NPEPPS: variants seen among roughly 807,000 people sequenced by gnomAD.
NPEPPS encodes aminopeptidase puromycin sensitive.
A neutral mutation model predicts 115.5 loss-of-function variants in NPEPPS; 14 were observed. The ratio of observed to expected loss-of-function variants is 0.12; its 90% CI spans 0.08 to 0.19. The LOEUF (loss-of-function observed/expected upper bound fraction) is 0.19. Ranked by LOEUF, NPEPPS falls within the 10% of genes least tolerant of loss-of-function variation. The pLI is 1.00. For synonymous variants in NPEPPS, 285 were observed against 390.6 expected, an observed-to-expected ratio of 0.73 and a Z score of 3.19; for missense variants, 523 against 1,110.8, an observed-to-expected ratio of 0.47 and a Z score of 7.52.
At chr17:47,562,342 G>C (rs1357324729) in intron 2 of NPEPPS, among the ~76,000 whole-genome samples, 1 of 152,186 alleles carries the variant, frequency 6.6e-6, no homozygotes, top group Non-Finnish European at 1.5e-5. Flanking sequence ...CAGGTAGATA[G>C]CATGATAATT....
Position 47,617,361 on chromosome 17 carries a change from C to T in NPEPPS, c.2296-989C>T, listed in dbSNP as rs544240191. On this transcript the variant is annotated intron_variant, in intron 19 of 22. Transcript: ENST00000322157. ...TGATGTATTTCCAGGGGTTCTCCCC[C>T]ACCCCCTTTTTTTGGAAACACAGTC... is the stretch of plus-strand genomic sequence containing the variant. Among the ~76,000 whole-genome samples the T allele has an allele frequency of 2.0e-5, 3 of 152,136 alleles. No individual in the cohort carries two copies. The South Asian group carries it at 6.2e-4, about 32-fold the overall frequency.
At chr17:47,529,557 A>G (rs1393891023), upstream of NPEPPS, among the ~76,000 whole-genome samples, 1 of 147,590 alleles carries the variant, frequency 6.8e-6, no homozygotes, top group East Asian at 2.0e-4. Flanking sequence ...GGCACATGAC[A>G]CTATGCCAGG....
chr17:47,547,366 TGAGA>T, intron 2 of NPEPPS, among the ~76,000 whole-genome samples: 1 of 151,820 alleles, frequency 6.6e-6, no homozygotes, highest in Non-Finnish European at 1.5e-5. Context: ...TTTTTTTTTT[TGAGA>T]GAGTCTCGCT....
intron 1 of NPEPPS, among the ~76,000 whole-genome samples, chr17:47,533,294 G>T (rs1907958354): frequency 2.0e-5 from 3 of 151,890 alleles, no homozygotes; most frequent in Non-Finnish European, 4.4e-5. Flanking sequence ...TTAAGAATAT[G>T]AATCAGAACG....
At chr17:47,536,607 C>A (rs904855864) in intron 1 of NPEPPS, among the ~76,000 whole-genome samples, 1 of 151,184 alleles carries the variant, frequency 6.6e-6, no homozygotes, top group East Asian at 1.9e-4. Flanking sequence ...GTTGGTCAGG[C>A]TGGTCTCGAA....
At chr17:47,536,560 ATTT>A (rs1427454394) in intron 1 of NPEPPS, among the ~76,000 whole-genome samples, 1 of 149,634 alleles carries the variant, frequency 6.7e-6, no homozygotes, top group East Asian at 2.0e-4. Context: ...CGCCCAGCTA[ATTT>A]TTTCTGTTTT....
Position 47,539,495 on chromosome 17 carries a change from GC to G in NPEPPS, c.256-6410del, listed in dbSNP as rs780825234. Among the ~76,000 whole-genome samples the G allele has an allele frequency of 3.3e-3, 491 of 149,800 alleles. 1 individual carries two copies. Among genetic ancestry groups the G allele is most frequent in the Non-Finnish European group, 4.6e-3 (309 of 67,608 alleles). ...GAGATTAAACAGATGTTAACGTTTT[GC>G]CCCATTTTCATCAGACTGTGCATGC... On this transcript the variant is annotated intron_variant, in intron 1 of 22. Coordinates refer to ENST00000322157, the MANE Select transcript of NPEPPS (RefSeq NM_006310.4).
intron 1 of NPEPPS, among the ~76,000 whole-genome samples, chr17:47,545,318 G>A (rs866686905): frequency 6.6e-6 from 1 of 152,202 alleles, no homozygotes. Context: ...TAAAGTCAAA[G>A]TTTAAGTAGA....
chr17:47,552,327 C>T (rs1016001656), intron 2 of NPEPPS, among the ~76,000 whole-genome samples: 3 of 152,086 alleles, frequency 2.0e-5, no homozygotes, highest in Non-Finnish European at 4.4e-5. Flanking sequence ...TAGATCCATT[C>T]TCAAATAAAC....
chr17:47,559,301 C>T lies in NPEPPS; in HGVS notation c.341-10116C>T, dbSNP rs1276296355. The stretch of plus-strand genomic sequence containing the variant: ...AAGGGATTCTCTCACCTCAGCCTCC[C>T]AAAGTGTTGGGATTACAGGCATGAG... On this transcript the variant is annotated intron_variant, in intron 2 of 22. Coordinates refer to ENST00000322157, the MANE Select transcript of NPEPPS (RefSeq NM_006310.4). 2.0e-5 allele frequency among the ~76,000 whole-genome samples: 3 copies of T among 152,268 alleles called. No homozygotes were observed. The East Asian group carries it at 5.8e-4, about 29-fold the overall frequency.
At chr17:47,538,238 C>T (rs1481719285) in intron 1 of NPEPPS, among the ~76,000 whole-genome samples, 4 of 76,496 alleles carry the variant, frequency 5.2e-5, no homozygotes, top group African/African-American at 9.3e-5. Context: ...GACAGAGTCT[C>T]ACTCTGTTGC....
chr17:47,548,590 CTTTT>C (rs538733982), intron 2 of NPEPPS, among the ~76,000 whole-genome samples: 8 of 104,714 alleles, frequency 7.6e-5, no homozygotes, highest in Admixed American at 1.1e-4. Flanking sequence ...CTGAAAAGTT[CTTTT>C]TTTTTTTTTT....
intron 2 of NPEPPS, among the ~76,000 whole-genome samples, chr17:47,568,847 GT>G (rs1911006189): frequency 6.6e-6 from 1 of 151,260 alleles, no homozygotes; most frequent in Non-Finnish European, 1.5e-5. Flanking sequence ...TAGAGACGGG[GT>G]TTCTCCGTGT....
At chr17:47,618,509 G>C (rs945401418) in intron 20 of NPEPPS, 52 bp downstream of exon 20, 2 of 1,244,472 alleles carry the variant, frequency 1.6e-6, no homozygotes, top group African/African-American at 2.9e-5. Flanking sequence ...CCATCTCTGA[G>C]AAGTGTCTCT....
chr17:47,540,060 C>G (rs571485141), intron 1 of NPEPPS, among the ~76,000 whole-genome samples: 2 of 152,196 alleles, frequency 1.3e-5, no homozygotes, highest in East Asian at 3.8e-4. Flanking sequence ...AAGACTCATT[C>G]AGGAAAATGT....
chr17:47,523,725 A>G (rs1567827307), intron 1 of NPEPPS, among the ~76,000 whole-genome samples: 1 of 152,230 alleles, frequency 6.6e-6, no homozygotes, highest in South Asian at 2.1e-4. Flanking sequence ...GCCTGGCCCA[A>G]TAATAGGCTT....
intron 12 of NPEPPS, among the ~76,000 whole-genome samples, chr17:47,595,365 C>T (rs1249174692): frequency 1.3e-5 from 2 of 152,200 alleles, no homozygotes; most frequent in East Asian, 3.9e-4. Flanking sequence ...TGCGTCCAGC[C>T]TGGATATTTT....
chr17:47,574,988 T>C (rs147837874), intron 3 of NPEPPS, among the ~76,000 whole-genome samples: 212 of 152,342 alleles, frequency 1.4e-3, no homozygotes, highest in African/African-American at 4.9e-3. Flanking sequence ...CAAGGTAACA[T>C]AGCTAGTAAG....
intron 1 of NPEPPS, among the ~76,000 whole-genome samples, chr17:47,538,130 TGATCTGCCTGCCTCCGCCTGC>T (rs1908448799): frequency 6.6e-6 from 1 of 150,750 alleles, no homozygotes; most frequent in Non-Finnish European, 1.5e-5. Context: ...TGACCTCAGG[TGATCTGCCTGCCTCCGCCTGC>T]CAAAGTGCTG....
Sources: allele counts gnomAD v4.1 joint callset (sites outside exome capture counted in the v4.1 genomes callset), GRCh38; gene constraint gnomAD v4.1.1; transcripts MANE v1.5; gene names NCBI Gene and HGNC (gene_info 2026-07-23, HGNC 2026-07-21).